FRYL: variants seen among roughly 807,000 people sequenced by gnomAD.
FRYL encodes the protein FRY like transcription coactivator.
A neutral mutation model predicts 351.2 loss-of-function variants in FRYL; 150 were observed. The ratio of observed to expected loss-of-function variants is 0.43; its 90% confidence interval spans 0.37 to 0.49. FRYL has a LOEUF of 0.49. Among genes scored for constraint, FRYL ranks in the 20% least tolerant of loss-of-function variants. FRYL has a pLI of 0.00. For synonymous variants in FRYL, 1,153 were observed against 1,257.1 expected (o/e 0.92, Z 1.75); for missense variants, 3,036 against 3,619.3 (o/e 0.84, Z 4.13).
Position 48,576,161 on chromosome 4 carries a change from A to G in FRYL, c.2590T>C (p.Trp864Arg). The G allele has an allele frequency of 6.2e-7, 1 of 1,613,930 alleles. No individual in the cohort carries two copies. The highest frequency in any genetic ancestry group is 1.7e-5 in the Admixed American group (1 of 60,010). Reference sequence around the variant, plus strand: ...CAGCAAAGGATCAGATAGTTTCTCCACAGGCCAATGTATGAGTCACTGCTT... The same window carrying G: ...CAGCAAAGGATCAGATAGTTTCTCCGCAGGCCAATGTATGAGTCACTGCTT... ...TTSSDSYIGLWRNYLILCCSA... is the reference protein window; with the variant it reads ...TTSSDSYIGLRRNYLILCCSA... Residue 864 changes from tryptophan (W) to arginine (R), a missense_variant, in exon 24 of 64, where the codon TGG becomes CGG. By Grantham distance (101) the Trp-to-Arg change is moderately radical. Coordinates refer to ENST00000358350, the MANE Select transcript of FRYL (RefSeq NM_015030.2).
At position 48,505,622 on chromosome 4, in the gene FRYL, ATAAG is replaced by A. The variant is rs1720733592; in HGVS notation, c.8395-11_8395-8del. ...TCTTACAATCATCTAGCCACTAAAAATAAGTAACAGTAACGTTTAATATGCACAG... is the reference window on the plus strand; with the variant it reads ...TCTTACAATCATCTAGCCACTAAAAATAACAGTAACGTTTAATATGCACAG... On this transcript the variant is annotated splice_region_variant and splice_polypyrimidine_tract_variant and intron_variant, in intron 59 of 63. Transcript: ENST00000358350. 1 of 1,591,896 alleles carries A rather than the reference ATAAG, an allele frequency of 6.3e-7. No individual in the cohort carries two copies. The highest frequency in any genetic ancestry group is 8.6e-7 in the Non-Finnish European group (1 of 1,161,400).
At chr4:48,640,319 T>C (rs777240759) in intron 3 of FRYL, among the ~76,000 whole-genome samples, 3 of 152,288 alleles carry the variant, frequency 2.0e-5, no homozygotes, top group Non-Finnish European at 1.5e-5. Context: ...GAAATATTAT[T>C]CAGTGCTAAA....
At chr4:48,541,053 G>T in intron 45 of FRYL, 93 bp from the exon 46 acceptor site, 1 of 1,231,994 alleles carries the variant, frequency 8.1e-7, no homozygotes, top group South Asian at 2.0e-5. Context: ...ATAGTAACTG[G>T]TACCAGAAAA....
intron 10 of FRYL, among the ~76,000 whole-genome samples, chr4:48,606,209 G>A (rs1746791489): frequency 6.6e-6 from 1 of 151,688 alleles, no homozygotes; most frequent in African/African-American, 2.4e-5. Context: ...GAAGGTGGAG[G>A]TTGCAGTGAG....
intron 7 of FRYL, among the ~76,000 whole-genome samples, chr4:48,612,941 T>C (rs1210310997): frequency 6.6e-6 from 1 of 152,146 alleles, no homozygotes; most frequent in Non-Finnish European, 1.5e-5. Context: ...CTGTGCCTGG[T>C]TTATGAATTA....
At chr4:48,544,027 T>C (rs776253305) in intron 43 of FRYL, 30 bp from the exon 44 acceptor site, 2 of 1,595,120 alleles carry the variant, frequency 1.3e-6, no homozygotes, top group South Asian at 2.2e-5. Context: ...GAGTAGGTTG[T>C]TCTTGTTCTT....
intron 1 of FRYL, among the ~76,000 whole-genome samples, chr4:48,734,718 A>AT (rs1264377084): frequency 6.6e-6 from 1 of 152,220 alleles, no homozygotes; most frequent in Non-Finnish European, 1.5e-5. Context: ...TGATTTTTGT[A>AT]TAAGGTGTAA....
At chr4:48,668,083 T>A (rs999915433) in intron 3 of FRYL, among the ~76,000 whole-genome samples, 7 of 152,202 alleles carry the variant, frequency 4.6e-5, no homozygotes, top group Non-Finnish European at 8.8e-5. Context: ...CAGCTGTTTT[T>A]TTAAATAAAG....
chr4:48,704,323 A>G (rs1174659533), intron 2 of FRYL, among the ~76,000 whole-genome samples: 1 of 152,242 alleles, frequency 6.6e-6, no homozygotes, highest in Non-Finnish European at 1.5e-5. Context: ...GATATTCAAT[A>G]TCACTCACAA....
intron 3 of FRYL, among the ~76,000 whole-genome samples, chr4:48,642,367 G>GA (rs1297175695): frequency 1.3e-5 from 2 of 152,016 alleles, no homozygotes; most frequent in Non-Finnish European, 1.5e-5. Context: ...TGTACCTAGA[G>GA]AAAAAAATGT....
At chr4:48,639,901 T>C (rs1754998851) in intron 3 of FRYL, among the ~76,000 whole-genome samples, 1 of 152,080 alleles carries the variant, frequency 6.6e-6, no homozygotes, top group South Asian at 2.1e-4. Flanking sequence ...AATAAGCATA[T>C]GAAAAGATGT....
At chr4:48,630,547 A>G (rs185268574) in intron 4 of FRYL, among the ~76,000 whole-genome samples, 11 of 152,246 alleles carry the variant, frequency 7.2e-5, no homozygotes, top group Admixed American at 1.3e-4. Flanking sequence ...TACCTAGGTT[A>G]TTACCGAGGA....
chr4:48,644,497 TA>T (rs61422049), intron 3 of FRYL, among the ~76,000 whole-genome samples: 112,540 of 117,618 alleles, frequency 0.96, 53,897 homozygotes, highest in Non-Finnish European at 0.98. Context: ...CAGATAATTG[TA>T]AAAAAAAAAA....
intron 24 of FRYL, among the ~76,000 whole-genome samples, chr4:48,575,801 GAATGAGC>G (rs1257936001): frequency 2.0e-5 from 3 of 152,188 alleles, no homozygotes; most frequent in Admixed American, 6.5e-5. Flanking sequence ...ATGATAAACT[GAATGAGC>G]ACGGGTCTTT....
chr4:48,521,609 A>G (rs1320175736), intron 54 of FRYL, among the ~76,000 whole-genome samples: 1 of 152,222 alleles, frequency 6.6e-6, no homozygotes, highest in East Asian at 1.9e-4. Flanking sequence ...CTTACTAGCT[A>G]TGTGTCCTGG....
At chr4:48,720,454 G>A (rs761752149) in intron 1 of FRYL, among the ~76,000 whole-genome samples, 13 of 151,936 alleles carry the variant, frequency 8.6e-5, no homozygotes, top group Non-Finnish European at 1.5e-4. Flanking sequence ...CTGAGATCAC[G>A]CCACTTCACT....
At chr4:48,685,107 G>A (rs1765017563) in intron 2 of FRYL, among the ~76,000 whole-genome samples, 1 of 151,870 alleles carries the variant, frequency 6.6e-6, no homozygotes, top group Non-Finnish European at 1.5e-5. Context: ...CCACCACTCT[G>A]GATTATTCTA....
intron 1 of FRYL, among the ~76,000 whole-genome samples, chr4:48,757,490 AT>A (rs1773919615): frequency 6.6e-6 from 1 of 152,176 alleles, no homozygotes; most frequent in Admixed American, 6.5e-5. Flanking sequence ...CCCATTCACA[AT>A]TGCTTCAAAG....
intron 50 of FRYL, among the ~76,000 whole-genome samples, chr4:48,529,627 C>A (rs886451726): frequency 3.9e-5 from 6 of 152,114 alleles, no homozygotes; most frequent in African/African-American, 1.4e-4. Flanking sequence ...GACTAAACTG[C>A]AATAAAACAT....
Sources: gnomAD v4.1 joint callset for allele counts (sites outside exome capture counted in the v4.1 genomes callset) on GRCh38, gnomAD v4.1.1 for gene constraint, MANE v1.5 for transcripts, NCBI Gene and HGNC (gene_info 2026-07-23, HGNC 2026-07-21) for gene names.